The following CLHC1 variants were observed in gnomAD, a reference collection of about 807,000 sequenced individuals.
The protein encoded by CLHC1 is clathrin heavy chain linker domain containing 1, also known as clathrin heavy chain linker domain-containing protein 1.
A neutral mutation model predicts 69.5 loss-of-function variants in CLHC1; 72 were observed. The observed-to-expected ratio is 1.04, with a 90% confidence interval of 0.86 to 1.26. CLHC1 has a LOEUF of 1.26. CLHC1 is among the 50% of genes most tolerant of loss of function. The probability of loss-of-function intolerance (pLI) is 0.00; values close to 1 mark genes in which losing one functional copy is unlikely to be tolerated. For synonymous variants in CLHC1, 223 were observed against 224.3 expected, an observed-to-expected ratio of 0.99 and a Z score of 0.05; for missense variants, 790 against 679.3, an observed-to-expected ratio of 1.16 and a Z score of -1.81.
intron 9 of CLHC1, among the ~76,000 whole-genome samples, chr2:55,194,114 A>C (rs1380965105): frequency 1.3e-5 from 2 of 152,172 alleles, no homozygotes; most frequent in African/African-American, 4.8e-5. Context: ...CAGTTTGGAG[A>C]GGAAGAAGAG....
intron 4 of CLHC1, among the ~76,000 whole-genome samples, chr2:55,213,424 C>G (rs903100484): frequency 6.6e-6 from 1 of 152,210 alleles, no homozygotes; most frequent in Non-Finnish European, 1.5e-5. Context: ...TTAGGGCTTA[C>G]TTTTATAACC....
Position 55,175,304 on chromosome 2 carries a change from T to C in CLHC1, c.*486A>G, listed in dbSNP as rs1483871113. ...TATATATATCAAAGCATGGGGCGCA[T>C]CTTTAAATCAGCAGTACAAAATTAC... On this transcript the variant is annotated 3_prime_UTR_variant, in exon 13 of 13. Coordinates refer to ENST00000401408, the MANE Select transcript of CLHC1 (RefSeq NM_152385.4). The C allele has an allele frequency of 1.3e-5, 2 of 153,314 alleles. No individual in the cohort carries two copies. The highest frequency in any genetic ancestry group is 1.3e-4 in the Admixed American group (2 of 15,460). 9.5% of individuals were successfully genotyped at this position (153,314 alleles called of 1,614,324 possible).
Position 55,217,821 on chromosome 2 carries a change from G to C in CLHC1, c.355C>G (p.Leu119Val). ...LVYYRKRTIQ[L>V]EAKMRIIESN... ...TACTAAAATACTTACTTTGCTTCAA[G>C]TTGGATTGTTCTTTTCCTGTAATAT... is the stretch of plus-strand genomic sequence containing the variant. The change falls in exon 4 of 13, where the codon CTT becomes GTT. Residue 119 changes from leucine to valine, a missense_variant. Leu to Val is a conservative substitution (Grantham distance 32). Coordinates refer to ENST00000401408, the MANE Select transcript of CLHC1 (RefSeq NM_152385.4). 6.5e-7 allele frequency: 1 copy of C among 1,533,694 alleles called. No homozygotes were observed. Among genetic ancestry groups the C allele is most frequent in the Non-Finnish European group, 8.7e-7 (1 of 1,144,312 alleles).
rs369865963 is a variant in CLHC1 at position 55,180,660 on chromosome 2, C to A, written c.1234G>T (p.Asp412Tyr). ...AGGCACTTGGCCTTGTTATAAGTAT[C>A]CTGCTCCCCATAATCACAAATCACA... The part of the protein sequence containing the change: ...GDVICDYGEQ[D>Y]TYNKAKCLAL... The change falls in exon 11 of 13, where the codon GAT becomes TAT. Residue 412 changes from aspartate (D) to tyrosine (Y), a missense_variant. Transcript: ENST00000401408. The A allele has an allele frequency of 6.2e-7, 1 of 1,614,034 alleles. No homozygotes were observed. Among genetic ancestry groups the A allele is most frequent in the Non-Finnish European group, 8.5e-7 (1 of 1,179,974 alleles).
At chr2:55,202,257 A>AG (rs1174995708) in intron 9 of CLHC1, among the ~76,000 whole-genome samples, 2 of 150,232 alleles carry the variant, frequency 1.3e-5, no homozygotes, top group Non-Finnish European at 3.0e-5. Flanking sequence ...TTATATTTGA[A>AG]AAAAAAAAAA....
At chr2:55,191,147 G>T (rs766657799) in intron 9 of CLHC1, among the ~76,000 whole-genome samples, 1 of 152,170 alleles carries the variant, frequency 6.6e-6, no homozygotes, top group Non-Finnish European at 1.5e-5. Flanking sequence ...AAGGTAAAAT[G>T]TAGAATTTAA....
At chr2:55,219,075 C>T (rs1673860571) in intron 3 of CLHC1, among the ~76,000 whole-genome samples, 1 of 152,120 alleles carries the variant, frequency 6.6e-6, no homozygotes, top group South Asian at 2.1e-4. Flanking sequence ...TTAGACATGA[C>T]CTTACTACCT....
rs763472634 is a variant in CLHC1 at position 55,177,555 on chromosome 2, C to T, written c.1564+47G>A. On this transcript the variant is annotated intron_variant, in intron 12 of 12. Transcript: ENST00000401408. The stretch of plus-strand genomic sequence containing the variant: ...ATGCATAACCATCTTGAACCTCTCC[C>T]TAGATAACCCACTACTATTTCTCCC... The T allele has an allele frequency of 1.8e-5, 25 of 1,392,404 alleles. No homozygotes were observed. In the South Asian group the frequency reaches 3.2e-4, roughly 18 times the overall value. The allele number at this position is 1,392,404 out of a possible 1,614,324, so 86.3% of individuals were successfully genotyped here. A position where few individuals can be genotyped will look rare whatever the true frequency, so the allele number is the denominator to read the frequency against.
chr2:55,231,402 A>G (rs1675340057), intron 1 of CLHC1, among the ~76,000 whole-genome samples: 1 of 152,228 alleles, frequency 6.6e-6, no homozygotes, highest in Non-Finnish European at 1.5e-5. Flanking sequence ...TAAGGAAGGC[A>G]GAGGCTGAAT....
At chr2:55,177,502 G>A (rs1263341823) in intron 12 of CLHC1, 100 bp downstream of exon 12, 2 of 707,798 alleles carry the variant, frequency 2.8e-6, no homozygotes, top group Middle Eastern at 8.6e-4. Context: ...TGCTAAGAAG[G>A]AACTCTTAGG....
rs555794833 is a variant in CLHC1 at position 55,209,778 on chromosome 2, G to C, written c.553C>G (p.His185Asp). The change falls in exon 6 of 13, where the codon CAT becomes GAT. Residue 185 changes from histidine (H) to aspartate (D), a missense_variant. Coordinates refer to ENST00000401408, the MANE Select transcript of CLHC1 (RefSeq NM_152385.4). Reference sequence around the variant, plus strand: ...ATTTCTGCATATTTATCTTCAAGATGTTTCATGTATTTAGTGAGAGCATCT... The same window carrying C: ...ATTTCTGCATATTTATCTTCAAGATCTTTCATGTATTTAGTGAGAGCATCT... ...NLDALTKYMK[H>D]LEDKYAEIKQ... The C allele has an allele frequency of 6.2e-7, 1 of 1,611,158 alleles. No individual in the cohort carries two copies. The highest frequency in any genetic ancestry group is 1.3e-5 in the African/African-American group (1 of 74,858).
At position 55,174,173 on chromosome 2, in the gene CLHC1, T is replaced by G. The variant is rs572591982; in HGVS notation, c.*1617A>C. Among the ~76,000 whole-genome samples the G allele has an allele frequency of 1.3e-5, 2 of 152,368 alleles. No homozygotes were observed. Among genetic ancestry groups the G allele is most frequent in the East Asian group, 3.9e-4 (2 of 5,190 alleles). On this transcript the variant is annotated 3_prime_UTR_variant, in exon 13 of 13. Transcript: ENST00000401408. ...AATATTATTTTGATAAGGCTTTTAGTAATAAATTGCTTTTTAAACTATGCA... is the reference window on the plus strand; with the variant it reads ...AATATTATTTTGATAAGGCTTTTAGGAATAAATTGCTTTTTAAACTATGCA...
intron 9 of CLHC1, among the ~76,000 whole-genome samples, chr2:55,202,066 G>T (rs146332759): frequency 6.6e-6 from 1 of 152,230 alleles, no homozygotes; most frequent in African/African-American, 2.4e-5. Flanking sequence ...CACTGAATGG[G>T]AGGAAACTGA....
At chr2:55,207,522 C>T (rs537257798) in intron 8 of CLHC1, among the ~76,000 whole-genome samples, 1 of 152,146 alleles carries the variant, frequency 6.6e-6, no homozygotes, top group South Asian at 2.1e-4. Flanking sequence ...TTATATTTAC[C>T]CCCTTCTTTT....
Position 55,182,051 on chromosome 2 carries a change from A to C in CLHC1, c.1007-307T>G, listed in dbSNP as rs142448710. The stretch of plus-strand genomic sequence containing the variant: ...TGGAATCTCCCTTAGAGCCTCCAGA[A>C]GGAATGAACCCTTGACACCATGATT... On this transcript the variant is annotated intron_variant, in intron 9 of 12. Transcript: ENST00000401408. Among the ~76,000 whole-genome samples, 661 of 152,230 alleles carry C rather than the reference A, an allele frequency of 4.3e-3. 2 individuals are homozygous for C. The highest frequency in any genetic ancestry group is 6.3e-3 in the Non-Finnish European group (427 of 68,016).
Position 55,222,422 on chromosome 2 carries a change from C to G in CLHC1, c.-11G>C. 1 of 1,610,878 alleles carries G rather than the reference C, an allele frequency of 6.2e-7. No individual in the cohort carries two copies. Among genetic ancestry groups the G allele is most frequent in the Non-Finnish European group, 8.5e-7 (1 of 1,178,534 alleles). On this transcript the variant is annotated 5_prime_UTR_variant, in exon 3 of 13. Coordinates refer to ENST00000401408, the MANE Select transcript of CLHC1 (RefSeq NM_152385.4). ...TTGATGAACTGACATATTTGACAAT[C>G]TGCACACTTGTTCACTGAAGAACAG... is the stretch of plus-strand genomic sequence containing the variant.
intron 9 of CLHC1, among the ~76,000 whole-genome samples, chr2:55,193,805 C>A (rs1278982287): frequency 6.6e-6 from 1 of 152,084 alleles, no homozygotes; most frequent in African/African-American, 2.4e-5. Flanking sequence ...TATGTAACCA[C>A]ACAAAAACTT....
chr2:55,181,459 G>A, intron 10 of CLHC1, 111 bp downstream of exon 10: 1 of 835,038 alleles, frequency 1.2e-6, no homozygotes, highest in Non-Finnish European at 1.9e-6. Flanking sequence ...TTGCAATAGG[G>A]ACCTGAAGTA....
At chr2:55,206,005 A>G (rs767239366) in intron 9 of CLHC1, among the ~76,000 whole-genome samples, 12 of 152,230 alleles carry the variant, frequency 7.9e-5, no homozygotes, top group Admixed American at 7.9e-4. Flanking sequence ...CAAATTTGAC[A>G]AAGTATTAAC....
Sources: gnomAD v4.1 joint callset for allele counts (sites outside exome capture counted in the v4.1 genomes callset) on GRCh38, gnomAD v4.1.1 for gene constraint, MANE v1.5 for transcripts, NCBI Gene and HGNC (gene_info 2026-07-23, HGNC 2026-07-21) for gene names.